PRH1: variants seen among roughly 807,000 people sequenced by gnomAD.
PRH1 encodes proline rich protein HaeIII subfamily 1.
PRH1 carries 7 observed loss-of-function variants against 7.9 expected under a neutral mutation model. The observed-to-expected ratio is 0.89, with a 90% CI of 0.50 to 1.67. PRH1 has a LOEUF of 1.67. Ranked by LOEUF, PRH1 falls within the 40% of genes most tolerant of loss-of-function variation. PRH1 has a pLI of 0.00. For missense variants in PRH1, 109 were observed against 223.6 expected, an observed-to-expected ratio of 0.49 and a Z score of 3.27; for synonymous variants, 45 against 80.8, an observed-to-expected ratio of 0.56 and a Z score of 2.38.
At chr12:11,147,103 G>C (rs879899777) in intron 1 of PRH1, among the ~76,000 whole-genome samples, 5 of 151,972 alleles carry the variant, frequency 3.3e-5, no homozygotes, top group Non-Finnish European at 7.4e-5. Context: ...ACTTTAATAA[G>C]ACTTTGCCAC....
At chr12:10,922,194 G>T (rs369352554) in intron 2 of PRH1, among the ~76,000 whole-genome samples, 1 of 152,008 alleles carries the variant, frequency 6.6e-6, no homozygotes, top group Non-Finnish European at 1.5e-5. Context: ...GTACATATTA[G>T]CTCCTTCTTA....
intron 1 of PRH1, among the ~76,000 whole-genome samples, chr12:11,025,187 T>A (rs9651852): frequency 0.21 from 31,978 of 152,060 alleles, 3,950 homozygotes; most frequent in Non-Finnish European, 0.27. Flanking sequence ...CAGGCTAATT[T>A]TTTTTTATTT....
intron 1 of PRH1, among the ~76,000 whole-genome samples, chr12:11,145,596 T>G (rs1946837935): frequency 6.6e-6 from 1 of 152,220 alleles, no homozygotes; most frequent in Non-Finnish European, 1.5e-5. Context: ...AAAGGTATTT[T>G]CTAAAACAGA....
intron 1 of PRH1, chr12:10,997,889 A>G: frequency 6.4e-7 from 1 of 1,550,812 alleles, no homozygotes; most frequent in Admixed American, 2.0e-5. Context: ...TAAACAAAAA[A>G]GCAAGTAAAA....
intron 1 of PRH1, among the ~76,000 whole-genome samples, chr12:11,158,048 A>G (rs191991533): frequency 1.9e-3 from 284 of 152,244 alleles, no homozygotes; most frequent in African/African-American, 6.0e-3. Context: ...TATAAAACCA[A>G]CATACTTCCC....
chr12:11,137,362 A>G (rs1258930768), intron 1 of PRH1, among the ~76,000 whole-genome samples: 2 of 152,232 alleles, frequency 1.3e-5, no homozygotes, highest in Admixed American at 6.5e-5. Context: ...TGGTGCTTCT[A>G]AGGAATTCCA....
intron 1 of PRH1, among the ~76,000 whole-genome samples, chr12:11,075,323 C>T (rs1334642311): frequency 2.9e-5 from 4 of 138,738 alleles, no homozygotes; most frequent in Admixed American, 1.5e-4. Flanking sequence ...ATATCATTCA[C>T]AGTAGAAAGT....
Position 10,965,993 on chromosome 12 carries a change from C to T in PRH1, c.-59+7662G>A, listed in dbSNP as rs77090029. On this transcript the variant is annotated intron_variant, in intron 2 of 3. Transcript: ENST00000539853. ...TGTATGACATTAGTGTTAACAAGCT[C>T]ATAAAACATACACACATAGACAGAC... 5.8e-4 allele frequency among the ~76,000 whole-genome samples: 88 copies of T among 152,242 alleles called. No homozygotes were observed. The East Asian group carries it at 0.014, about 24-fold the overall frequency.
chr12:10,938,869 A>G (rs373618372), intron 2 of PRH1: 4 of 1,613,856 alleles, frequency 2.5e-6, no homozygotes, highest in Middle Eastern at 1.6e-4. Flanking sequence ...AGTTAGAAAA[A>G]TTGGCTATCT....
chr12:11,122,030 G>T (rs796101231), intron 1 of PRH1, among the ~76,000 whole-genome samples: 1 of 103,360 alleles, frequency 9.7e-6, no homozygotes, highest in Non-Finnish European at 2.4e-5. Context: ...TATGTGAAAT[G>T]TACTCGGCTT....
At chr12:11,026,084 G>A (rs1416108308) in intron 1 of PRH1, among the ~76,000 whole-genome samples, 3 of 152,108 alleles carry the variant, frequency 2.0e-5, no homozygotes, top group Non-Finnish European at 4.4e-5. Context: ...TACCCAAGCT[G>A]GAGTACAGTG....
downstream of PRH1, among the ~76,000 whole-genome samples, chr12:11,120,505 T>C (rs1945865360): frequency 6.6e-6 from 1 of 152,176 alleles, no homozygotes; most frequent in African/African-American, 2.4e-5. Flanking sequence ...ACAGCTTTTT[T>C]ACTGACGTTT....
At chr12:11,102,114 T>G (rs930270517) in intron 1 of PRH1, among the ~76,000 whole-genome samples, 3 of 152,122 alleles carry the variant, frequency 2.0e-5, no homozygotes, top group African/African-American at 2.4e-5. Context: ...TGGCCATACT[T>G]CCCAAGGTAA....
At chr12:10,970,367 C>T (rs559188740) in intron 2 of PRH1, among the ~76,000 whole-genome samples, 2 of 152,108 alleles carry the variant, frequency 1.3e-5, no homozygotes, top group African/African-American at 2.4e-5. Flanking sequence ...TTAATATCTA[C>T]AGTACCATAA....
chr12:10,882,778 G>A (rs932320679), intron 2 of PRH1, 80 bp from the exon 3 acceptor site: 378 of 1,578,080 alleles, frequency 2.4e-4, no homozygotes, highest in East Asian at 6.5e-4. Context: ...TTCACCACAC[G>A]GCCGGCCCCT....
At chr12:10,933,552 T>A (rs1950243479) in intron 2 of PRH1, among the ~76,000 whole-genome samples, 1 of 152,016 alleles carries the variant, frequency 6.6e-6, no homozygotes, top group South Asian at 2.1e-4. Context: ...ATTCCAGGAA[T>A]GTTAAGGAAT....
At chr12:10,929,291 G>T in intron 2 of PRH1, 4 of 1,614,194 alleles carry the variant, frequency 2.5e-6, no homozygotes, top group Non-Finnish European at 2.5e-6. Flanking sequence ...TGATTCTGCT[G>T]TCAGTGGCCC....
chr12:11,041,565 A>C (rs998188783), intron 1 of PRH1, among the ~76,000 whole-genome samples: 6 of 152,214 alleles, frequency 3.9e-5, no homozygotes, highest in Admixed American at 1.3e-4. Flanking sequence ...AGCATTGGAC[A>C]GATCCTCCAG....
At chr12:10,921,075 A>C (rs1289253838) in intron 2 of PRH1, among the ~76,000 whole-genome samples, 1 of 151,958 alleles carries the variant, frequency 6.6e-6, no homozygotes, top group African/African-American at 2.4e-5. Context: ...ATATTATGAG[A>C]CTAATTTACT....
Sources: allele counts gnomAD v4.1 joint callset (sites outside exome capture counted in the v4.1 genomes callset), GRCh38; gene constraint gnomAD v4.1.1; transcripts MANE v1.5; gene names NCBI Gene and HGNC (gene_info 2026-07-23, HGNC 2026-07-21).